KAT6B: variants seen among roughly 807,000 people sequenced by gnomAD.
KAT6B encodes lysine acetyltransferase 6B.
KAT6B carries 10 observed loss-of-function variants against 187.5 expected under a neutral mutation model. The ratio of observed to expected loss-of-function variants is 0.05; its 90% CI spans 0.03 to 0.09. KAT6B has a LOEUF of 0.09. KAT6B is among the 10% of genes least tolerant of loss of function. KAT6B has a pLI of 1.00. For missense variants in KAT6B, 1,952 were observed against 2,558.9 expected, an observed-to-expected ratio of 0.76 and a Z score of 5.12; for synonymous variants, 861 against 926.8, an observed-to-expected ratio of 0.93 and a Z score of 1.29.
intron 3 of KAT6B, among the ~76,000 whole-genome samples, chr10:74,885,844 G>A (rs2132575495): frequency 6.6e-6 from 1 of 151,478 alleles, no homozygotes; most frequent in African/African-American, 2.4e-5. Context: ...CGATTCTACT[G>A]CCTCAGCCTC....
intron 3 of KAT6B, among the ~76,000 whole-genome samples, chr10:74,935,587 G>A (rs1486544145): frequency 6.6e-6 from 1 of 152,204 alleles, no homozygotes; most frequent in East Asian, 1.9e-4. Flanking sequence ...ACAGGCATGA[G>A]CCACAGAGCC....
chr10:74,943,963 A>G (rs750097632), intron 3 of KAT6B, among the ~76,000 whole-genome samples: 7 of 152,150 alleles, frequency 4.6e-5, no homozygotes, highest in Admixed American at 3.3e-4. Context: ...AAGACAAACA[A>G]CCCAATTAAA....
At chr10:74,882,740 T>C (rs1312036763) in intron 3 of KAT6B, among the ~76,000 whole-genome samples, 1 of 152,242 alleles carries the variant, frequency 6.6e-6, no homozygotes, top group Non-Finnish European at 1.5e-5. Flanking sequence ...ATTTCTTCCC[T>C]AATGTGTCAG....
intron 13 of KAT6B, among the ~76,000 whole-genome samples, chr10:74,992,756 T>C (rs995329097): frequency 5.9e-5 from 9 of 152,310 alleles, no homozygotes; most frequent in African/African-American, 2.2e-4. Context: ...AAGTCATTTG[T>C]ATATCACTTC....
chr10:74,952,435 T>C (rs1001442132), intron 3 of KAT6B, among the ~76,000 whole-genome samples: 4 of 152,018 alleles, frequency 2.6e-5, no homozygotes, highest in African/African-American at 7.2e-5. Context: ...ACAGCCTTTC[T>C]GCTGAGGTAT....
intron 3 of KAT6B, among the ~76,000 whole-genome samples, chr10:74,890,432 A>T (rs1845568626): frequency 6.6e-6 from 1 of 152,148 alleles, no homozygotes; most frequent in Admixed American, 6.5e-5. Context: ...TGAGGCTAGG[A>T]GTTTGAGACC....
intron 3 of KAT6B, among the ~76,000 whole-genome samples, chr10:74,895,381 A>ATTATTATTG (rs1158180055): frequency 2.6e-5 from 4 of 151,570 alleles, no homozygotes; most frequent in African/African-American, 9.7e-5. Context: ...TATTATTATT[A>ATTATTATTG]TTATGGTTAA....
rs138617006 is a variant in KAT6B at position 75,024,989 on chromosome 10, G to A, written c.3404G>A (p.Arg1135His). ...RPFVLKKKRG[R>H]KRRRINSSVT... ...TTTGTACTAAAGAAGAAAAGGGGTC[G>A]TAAACGCAGGAGGATCAACAGCAGT... Residue 1135 changes from arginine to histidine, a missense_variant, in exon 17 of 18, where the codon CGT becomes CAT. By Grantham distance (29) the Arg-to-His change is conservative. This residue lies in a region of KAT6B where 758 missense variants were observed against 891.4 expected (regional missense o/e 0.85). Coordinates refer to ENST00000287239, the MANE Select transcript of KAT6B (RefSeq NM_012330.4). The A allele has an allele frequency of 2.0e-5, 32 of 1,614,176 alleles. No homozygotes were observed. Among genetic ancestry groups the A allele is most frequent in the South Asian group, 2.0e-4 (18 of 91,080 alleles).
chr10:74,887,215 A>G (rs1241436484), intron 3 of KAT6B, among the ~76,000 whole-genome samples: 2 of 152,106 alleles, frequency 1.3e-5, no homozygotes, highest in Admixed American at 6.5e-5. Flanking sequence ...ATCTGAGACT[A>G]CAGGAGAGAG....
At chr10:74,918,868 T>C (rs1350071461) in intron 3 of KAT6B, among the ~76,000 whole-genome samples, 1 of 152,226 alleles carries the variant, frequency 6.6e-6, no homozygotes, top group East Asian at 1.9e-4. Flanking sequence ...TTTCATTGTC[T>C]TTTGACTTCA....
intron 13 of KAT6B, among the ~76,000 whole-genome samples, chr10:74,996,662 G>A (rs1376802385): frequency 1.3e-5 from 2 of 151,576 alleles, no homozygotes; most frequent in Non-Finnish European, 2.9e-5. Flanking sequence ...CCAGCTACTC[G>A]GGAGGCTGAG....
chr10:74,874,122 CAT>C (rs1331579377), intron 3 of KAT6B, among the ~76,000 whole-genome samples: 1 of 152,038 alleles, frequency 6.6e-6, no homozygotes. Context: ...TTAATATTCA[CAT>C]ATGTGTATAG....
Position 75,029,564 on chromosome 10 carries a change from A to G in KAT6B, c.4740A>G (p.Gln1580=). The change falls in exon 18 of 18, where the codon CAA becomes CAG. Residue 1580 remains glutamine (Q), a synonymous_variant. Transcript: ENST00000287239. The surrounding 1 kb of genome is among the most constrained non-coding windows in gnomAD (Gnocchi z 6.2). ...TACAGAACTACACCCGTGCAGACCA[A>G]AGTCCACAGATTGCCACCACGCTCG... ...RSLQNYTRAD[Q]SPQIATTLDD... 1 of 1,614,112 alleles carries G rather than the reference A, an allele frequency of 6.2e-7. No homozygotes were observed. Among genetic ancestry groups the G allele is most frequent in the Non-Finnish European group, 8.5e-7 (1 of 1,180,020 alleles).
At chr10:74,902,738 G>A (rs941846910) in intron 3 of KAT6B, among the ~76,000 whole-genome samples, 2 of 152,088 alleles carry the variant, frequency 1.3e-5, no homozygotes, top group African/African-American at 4.8e-5. Flanking sequence ...TAAAAACTGT[G>A]GTAATTTGGT....
At chr10:75,006,612 G>A (rs1295029175) in intron 13 of KAT6B, among the ~76,000 whole-genome samples, 1 of 152,060 alleles carries the variant, frequency 6.6e-6, no homozygotes, top group Non-Finnish European at 1.5e-5. Flanking sequence ...ACCATGCCCA[G>A]CTGATTTTTT....
intron 3 of KAT6B, among the ~76,000 whole-genome samples, chr10:74,936,330 G>A (rs1849262953): frequency 6.6e-6 from 1 of 151,574 alleles, no homozygotes; most frequent in African/African-American, 2.4e-5. Context: ...TTGAACCCAG[G>A]AGGCAGAGGT....
rs550041664 is a variant in KAT6B at position 74,959,799 on chromosome 10, TAA to T, written c.622-170_622-169del. ...GCGAGACTTCGTCTCAAAAATAATA[TAA>T]GAGTTTTTTTACTAGCAGAAAGTGT... On this transcript the variant is annotated intron_variant, in intron 3 of 17. Transcript: ENST00000287239. Among the ~76,000 whole-genome samples the T allele has an allele frequency of 7.7e-4, 117 of 152,310 alleles. 1 individual carries two copies. The highest frequency in any genetic ancestry group is 2.7e-3 in the South Asian group (13 of 4,824).
intron 1 of KAT6B, among the ~76,000 whole-genome samples, chr10:74,835,850 G>GA (rs780242529): frequency 1.3e-5 from 2 of 151,846 alleles, no homozygotes; most frequent in Admixed American, 6.6e-5. Context: ...AACATAAAAT[G>GA]AAAAAACCAT....
intron 3 of KAT6B, among the ~76,000 whole-genome samples, chr10:74,888,834 A>T (rs1250592476): frequency 6.6e-6 from 1 of 152,236 alleles, no homozygotes; most frequent in African/African-American, 2.4e-5. Flanking sequence ...AGTGTGTAAG[A>T]GTGTGGTATA....
Sources: gnomAD v4.1 joint callset for allele counts (sites outside exome capture counted in the v4.1 genomes callset) on GRCh38, gnomAD v4.1.1 for gene constraint, gnomAD v4.1.1 regional missense constraint, Gnocchi (gnomAD v3.1) non-coding constraint, MANE v1.5 for transcripts, NCBI Gene and HGNC (gene_info 2026-07-23, HGNC 2026-07-21) for gene names.